INPP4B: variants seen among roughly 807,000 people sequenced by gnomAD.
INPP4B encodes inositol polyphosphate 4-phosphatase type II.
In INPP4B, 55 loss-of-function variants were observed where a neutral mutation model predicts 122.5. That is an observed-to-expected ratio of 0.45 (90% CI 0.36 to 0.56). The LOEUF is 0.56. Ranked by LOEUF, INPP4B falls within the 20% of genes least tolerant of loss-of-function variation. The probability of loss-of-function intolerance (pLI) is 0.00; values close to 1 mark genes in which losing one functional copy is unlikely to be tolerated. For synonymous variants in INPP4B, 403 were observed against 388.7 expected (o/e 1.04, Z -0.43); for missense variants, 1,000 against 1,097.7 (o/e 0.91, Z 1.26).
intron 15 of INPP4B, among the ~76,000 whole-genome samples, chr4:142,179,446 G>C (rs1829780029): frequency 8.0e-6 from 1 of 125,258 alleles, no homozygotes; most frequent in South Asian, 2.6e-4. Flanking sequence ...GCACTCCAGT[G>C]AGGGCAACAG....
At chr4:142,169,899 G>C (rs173045) in intron 16 of INPP4B, among the ~76,000 whole-genome samples, 81,763 of 151,428 alleles carry the variant, frequency 0.54, 26,647 homozygotes, top group Non-Finnish European at 0.71. Flanking sequence ...TATTAAACAA[G>C]GTCTATCAAT....
chr4:142,244,913 C>T (rs573886084), intron 11 of INPP4B, among the ~76,000 whole-genome samples: 184 of 152,278 alleles, frequency 1.2e-3, no homozygotes, highest in African/African-American at 4.3e-3. Context: ...TTAATGATTG[C>T]CATTCTAACT....
At chr4:142,629,916 G>A (rs894322089) in intron 2 of INPP4B, among the ~76,000 whole-genome samples, 1 of 152,084 alleles carries the variant, frequency 6.6e-6, no homozygotes, top group Admixed American at 6.6e-5. Flanking sequence ...AAGGTTGGAT[G>A]TAGGATTTAA....
At chr4:142,299,113 A>C in intron 9 of INPP4B, among the ~76,000 whole-genome samples, 1 of 146,288 alleles carries the variant, frequency 6.8e-6, no homozygotes, top group African/African-American at 2.5e-5. Context: ...TTTGCTGTTG[A>C]CTCACATGTT....
intron 25 of INPP4B, among the ~76,000 whole-genome samples, chr4:142,070,976 G>GA (rs1766904488): frequency 6.6e-6 from 1 of 152,028 alleles, no homozygotes; most frequent in African/African-American, 2.4e-5. Context: ...CACAGAATTG[G>GA]AAAAAACTAC....
chr4:142,411,828 ATT>A (rs1804661805), intron 5 of INPP4B, among the ~76,000 whole-genome samples: 1 of 152,078 alleles, frequency 6.6e-6, no homozygotes, highest in Non-Finnish European at 1.5e-5. Flanking sequence ...GGAGGCAGAG[ATT>A]GCAGTGAGCT....
At chr4:142,128,261 CAT>C (rs1257633605) in intron 18 of INPP4B, among the ~76,000 whole-genome samples, 1 of 151,706 alleles carries the variant, frequency 6.6e-6, no homozygotes, top group African/African-American at 2.4e-5. Flanking sequence ...TGCACACACA[CAT>C]ACACACAATC....
At chr4:142,342,987 T>C (rs1779158917) in intron 7 of INPP4B, among the ~76,000 whole-genome samples, 1 of 152,086 alleles carries the variant, frequency 6.6e-6, no homozygotes, top group South Asian at 2.1e-4. Flanking sequence ...CATAAAGAAA[T>C]TTGGATAGAA....
intron 16 of INPP4B, among the ~76,000 whole-genome samples, chr4:142,166,266 T>C (rs971275625): frequency 6.6e-6 from 1 of 151,748 alleles, no homozygotes; most frequent in Non-Finnish European, 1.5e-5. Context: ...TTAACTGTTC[T>C]TTTGCTCATG....
chr4:142,195,093 G>A (rs1837582062), intron 14 of INPP4B, among the ~76,000 whole-genome samples: 2 of 152,166 alleles, frequency 1.3e-5, no homozygotes, highest in African/African-American at 4.8e-5. Flanking sequence ...TATACAGAAT[G>A]ACTAAAAATA....
chr4:142,625,349 G>C (rs1454926627), intron 2 of INPP4B, among the ~76,000 whole-genome samples: 1 of 152,132 alleles, frequency 6.6e-6, no homozygotes, highest in Non-Finnish European at 1.5e-5. Flanking sequence ...CAGACAAAGA[G>C]AGAGTCAAAT....
intron 2 of INPP4B, among the ~76,000 whole-genome samples, chr4:142,518,111 C>T (rs1201142548): frequency 1.3e-5 from 2 of 152,072 alleles, no homozygotes; most frequent in Non-Finnish European, 2.9e-5. Flanking sequence ...GGAAATGAAT[C>T]CATAATATAT....
intron 2 of INPP4B, among the ~76,000 whole-genome samples, chr4:142,579,888 TAGATAGA>T (rs1439435640): frequency 4.4e-5 from 5 of 113,158 alleles, no homozygotes; most frequent in Admixed American, 8.8e-5. Flanking sequence ...GGTAGATAGA[TAGATAGA>T]TAGATAGATA....
At chr4:142,285,835 C>T (rs4379132) in intron 9 of INPP4B, among the ~76,000 whole-genome samples, 23,363 of 151,906 alleles carry the variant, frequency 0.15, 1,853 homozygotes, top group South Asian at 0.27. Flanking sequence ...ACACTTATGA[C>T]GACAATAAAG....
At chr4:142,692,954 G>T (rs201545503) in intron 2 of INPP4B, among the ~76,000 whole-genome samples, 6 of 98,288 alleles carry the variant, frequency 6.1e-5, no homozygotes, top group African/African-American at 3.3e-5. Flanking sequence ...TACATAGATA[G>T]AGATAGACAG....
intron 25 of INPP4B, among the ~76,000 whole-genome samples, chr4:142,061,284 G>A (rs114270214): frequency 0.025 from 3,776 of 152,212 alleles, 177 homozygotes; most frequent in African/African-American, 0.087. Context: ...ATCTGTCAGT[G>A]ATGTTGTAAA....
chr4:142,253,707 C>T (rs926004061), intron 11 of INPP4B, among the ~76,000 whole-genome samples: 11 of 152,314 alleles, frequency 7.2e-5, no homozygotes, highest in Admixed American at 7.2e-4. Flanking sequence ...GGGTCCTACG[C>T]CCACGGAGTC....
At chr4:142,152,339 T>G (rs1814623402) in intron 17 of INPP4B, among the ~76,000 whole-genome samples, 1 of 152,024 alleles carries the variant, frequency 6.6e-6, no homozygotes, top group Non-Finnish European at 1.5e-5. Context: ...CCTCCCAAAG[T>G]GCTGGGATTA....
At chr4:142,561,708 C>T (rs551433414) in intron 2 of INPP4B, among the ~76,000 whole-genome samples, 3 of 152,270 alleles carry the variant, frequency 2.0e-5, no homozygotes, top group African/African-American at 4.8e-5. Context: ...CGTGAGCCAC[C>T]ACGCCTGGCT....
Sources: allele counts gnomAD v4.1 joint callset (sites outside exome capture counted in the v4.1 genomes callset), GRCh38; gene constraint gnomAD v4.1.1; transcripts MANE v1.5; gene names NCBI Gene and HGNC (gene_info 2026-07-23, HGNC 2026-07-21).